The following NEK6 variants were observed in gnomAD, a reference collection of about 807,000 sequenced individuals.
The protein encoded by NEK6 is serine/threonine-protein kinase Nek6.
In NEK6, 27 loss-of-function variants were observed where a neutral mutation model predicts 43.5. The observed-to-expected ratio is 0.62, with a 90% CI of 0.46 to 0.86. NEK6 has a LOEUF of 0.86. Among genes scored for constraint, NEK6 ranks in the 40% least tolerant of loss-of-function variants. The pLI, the probability that NEK6 is intolerant of heterozygous loss-of-function variation, is 0.00. For synonymous variants in NEK6, 167 were observed against 164.1 expected (o/e 1.02, Z -0.14); for missense variants, 318 against 414.4 (o/e 0.77, Z 2.02).
chr9:124,347,008 T>C (rs1419234360), intron 8 of NEK6, among the ~76,000 whole-genome samples: 1 of 152,118 alleles, frequency 6.6e-6, no homozygotes, highest in African/African-American at 2.4e-5. Context: ...ACACAGCGAG[T>C]GCAGAGCTGG....
chr9:124,299,606 G>A (rs1281628752), intron 1 of NEK6, among the ~76,000 whole-genome samples: 1 of 152,182 alleles, frequency 6.6e-6, no homozygotes, highest in East Asian at 1.9e-4. Context: ...TTGAGGGCTT[G>A]GCAGGGAGAG....
intron 2 of NEK6, among the ~76,000 whole-genome samples, chr9:124,307,098 A>AT (rs1360772594): frequency 1.3e-5 from 2 of 150,992 alleles, no homozygotes; most frequent in African/African-American, 4.9e-5. Context: ...ATGCATTTTT[A>AT]TTCTTTTAGC....
intron 7 of NEK6, among the ~76,000 whole-genome samples, chr9:124,335,284 C>G (rs1338826889): frequency 6.6e-6 from 1 of 152,142 alleles, no homozygotes; most frequent in Non-Finnish European, 1.5e-5. Context: ...CCAAAATATA[C>G]AAGGTGTTGC....
intron 1 of NEK6, among the ~76,000 whole-genome samples, chr9:124,282,314 C>A (rs187468616): frequency 3.3e-5 from 5 of 152,180 alleles, no homozygotes; most frequent in Admixed American, 2.6e-4. Context: ...TCGCCTCTGT[C>A]GCCACATGGC....
chr9:124,326,817 G>A lies in NEK6; in HGVS notation c.514+379G>A, dbSNP rs34532921. On this transcript the variant is annotated intron_variant, in intron 6 of 9. Coordinates refer to ENST00000320246, the MANE Select transcript of NEK6 (RefSeq NM_014397.6). This position sits in a 1 kb window ranked among gnomAD's most constrained non-coding sequence, Gnocchi z 4.5. ...GTGTTTCCACAGTTGACATGATTCCGAGTTGTGAGAAAGGAGCCTGCTGGG... is the reference window on the plus strand; with the variant it reads ...GTGTTTCCACAGTTGACATGATTCCAAGTTGTGAGAAAGGAGCCTGCTGGG... Among the ~76,000 whole-genome samples the A allele has an allele frequency of 3.5e-3, 537 of 152,292 alleles. 6 individuals carry two copies. The highest frequency in any genetic ancestry group is 6.1e-3 in the Non-Finnish European group (413 of 68,018).
At chr9:124,292,834 A>G in intron 1 of NEK6, 1 of 1,436,732 alleles carries the variant, frequency 7.0e-7, no homozygotes, top group Non-Finnish European at 9.2e-7. Context: ...CCTCAAGGAC[A>G]TTTCCATGTT....
intron 1 of NEK6, among the ~76,000 whole-genome samples, chr9:124,296,826 CT>C (rs1248568303): frequency 3.3e-5 from 5 of 152,196 alleles, no homozygotes; most frequent in Admixed American, 2.0e-4. Context: ...TGACTTCCCC[CT>C]AGGTGAAGTT....
intron 1 of NEK6, among the ~76,000 whole-genome samples, chr9:124,286,719 G>A (rs897497534): frequency 2.0e-5 from 3 of 152,254 alleles, no homozygotes; most frequent in African/African-American, 7.2e-5. Flanking sequence ...CAGGCCCCAG[G>A]GCATTAGACC....
chr9:124,270,303 C>T (rs989204533), intron 1 of NEK6, among the ~76,000 whole-genome samples: 6 of 152,194 alleles, frequency 3.9e-5, no homozygotes, highest in Non-Finnish European at 8.8e-5. Flanking sequence ...CCCCACAAGA[C>T]CTGCAGGGCG....
At chr9:124,263,942 G>A (rs1193784435) in intron 1 of NEK6, among the ~76,000 whole-genome samples, 2 of 152,240 alleles carry the variant, frequency 1.3e-5, no homozygotes, top group African/African-American at 4.8e-5. Context: ...AGCTGTGTCA[G>A]CCACGGTGTG....
At chr9:124,285,647 G>A (rs370886753) in intron 1 of NEK6, among the ~76,000 whole-genome samples, 4 of 152,232 alleles carry the variant, frequency 2.6e-5, no homozygotes, top group African/African-American at 7.2e-5. Flanking sequence ...ACACAGGCCC[G>A]CTGGCTCCAC....
intron 7 of NEK6, among the ~76,000 whole-genome samples, chr9:124,328,803 C>T (rs1010299982): frequency 5.3e-5 from 8 of 152,174 alleles, no homozygotes; most frequent in Admixed American, 3.9e-4. Flanking sequence ...ATGGAGCCAG[C>T]GGGGCTGGCG....
chr9:124,331,389 T>TTACC (rs1828991064), intron 7 of NEK6, among the ~76,000 whole-genome samples: 1 of 151,710 alleles, frequency 6.6e-6, no homozygotes, highest in Non-Finnish European at 1.5e-5. Flanking sequence ...ATCCCTGTGG[T>TTACC]CACCCAGTAG....
intron 1 of NEK6, among the ~76,000 whole-genome samples, chr9:124,293,796 G>T (rs1000446852): frequency 6.6e-6 from 1 of 152,198 alleles, no homozygotes; most frequent in Admixed American, 6.5e-5. Context: ...ACAGATGACC[G>T]CGAAGGTCAG....
intron 1 of NEK6, among the ~76,000 whole-genome samples, chr9:124,297,268 G>GTTAGCTTCAATAGCTAAATAGCC (rs1390165856): frequency 6.6e-6 from 1 of 152,224 alleles, no homozygotes; most frequent in Non-Finnish European, 1.5e-5. Context: ...ACAAGTGAGG[G>GTTAGCTTCAATAGCTAAATAGCC]TTAGCTTCAA....
Position 124,285,682 on chromosome 9 carries a change from C to T in NEK6, c.-29-16254C>T, listed in dbSNP as rs546619938. Among the ~76,000 whole-genome samples the T allele has an allele frequency of 1.5e-4, 23 of 152,220 alleles. No individual in the cohort carries two copies. The South Asian group carries it at 4.6e-3, about 30-fold the overall frequency. On this transcript the variant is annotated intron_variant, in intron 1 of 9. Transcript: ENST00000320246. ...CTGTGTCCAAGCCGCAGATGCAAAG[C>T]CTGTTAGGACAGAAAGGACACGAGA...
rs904572671 is a variant in NEK6, at chr9:124,292,479, G to A, written c.-29-9457G>A. On this transcript the variant is annotated intron_variant, in intron 1 of 9. Coordinates refer to ENST00000320246, the MANE Select transcript of NEK6 (RefSeq NM_014397.6). ...GAAAATTAGGGGAGGCCACGGGCTT[G>A]AAAGCTTTCCCTGCATGGAGGCCAC... is the stretch of plus-strand genomic sequence containing the variant. 5 of 1,537,082 alleles carry A rather than the reference G, an allele frequency of 3.3e-6. No homozygotes were observed. In the East Asian group the frequency reaches 1.2e-4, roughly 38 times the overall value.
intron 7 of NEK6, among the ~76,000 whole-genome samples, chr9:124,329,711 CAGGTTCT>C (rs1828868996): frequency 6.6e-6 from 1 of 152,250 alleles, no homozygotes; most frequent in Non-Finnish European, 1.5e-5. Context: ...CTGCACCCAC[CAGGTTCT>C]AGAATGGTGA....
At chr9:124,284,640 C>T (rs1832071703) in intron 1 of NEK6, among the ~76,000 whole-genome samples, 1 of 152,258 alleles carries the variant, frequency 6.6e-6, no homozygotes, top group African/African-American at 2.4e-5. Flanking sequence ...GTTCTGACTG[C>T]AGCTGGGCCC....
Sources: gnomAD v4.1 joint callset for allele counts (sites outside exome capture counted in the v4.1 genomes callset) on GRCh38, gnomAD v4.1.1 for gene constraint, Gnocchi (gnomAD v3.1) non-coding constraint, MANE v1.5 for transcripts, NCBI Gene and HGNC (gene_info 2026-07-23, HGNC 2026-07-21) for gene names.